Variants in CRB1 observed in about 807,000 individuals in gnomAD.
CRB1 encodes the protein crumbs cell polarity complex component 1.
CRB1 carries 83 observed loss-of-function variants against 120.0 expected under a neutral mutation model. The ratio of observed to expected loss-of-function variants is 0.69; its 90% confidence interval spans 0.58 to 0.83. The LOEUF (loss-of-function observed/expected upper bound fraction) is 0.83, where lower values mean the gene tolerates loss of function less well. Among genes scored for constraint, CRB1 ranks in the 40% least tolerant of loss-of-function variants. The pLI is 0.00. For synonymous variants in CRB1, 625 were observed against 612.5 expected (o/e 1.02, Z -0.30); for missense variants, 1,699 against 1,687.6 (o/e 1.01, Z -0.12).
At chr1:197,353,984 A>C (rs1189625030) in intron 4 of CRB1, among the ~76,000 whole-genome samples, 3 of 151,188 alleles carry the variant, frequency 2.0e-5, no homozygotes, top group Admixed American at 1.3e-4. Context: ...TATGGAAAAC[A>C]ACCTAATGAA....
At chr1:197,393,688 T>A (rs1201180352) in intron 5 of CRB1, among the ~76,000 whole-genome samples, 1 of 152,118 alleles carries the variant, frequency 6.6e-6, no homozygotes, top group Non-Finnish European at 1.5e-5. Context: ...TAGACCATGC[T>A]TCACCCGATG....
chr1:197,362,756 T>C (rs1395867272), intron 5 of CRB1, among the ~76,000 whole-genome samples: 2 of 152,182 alleles, frequency 1.3e-5, no homozygotes, highest in Admixed American at 6.5e-5. Context: ...CCCACTTATG[T>C]CATTAAATTT....
At chr1:197,232,958 G>A in the CRB1 span, among the ~76,000 whole-genome samples, 1 of 151,938 alleles carries the variant, frequency 6.6e-6, no homozygotes, top group Non-Finnish European at 1.5e-5. Context: ...AGGGTCCACT[G>A]GTTCCAAAGA....
Position 197,434,981 on chromosome 1 carries a change from T to A in CRB1, c.3118T>A (p.Ser1040Thr), listed in dbSNP as rs1370997208. The change falls in exon 9 of 12, where the codon TCC (serine) becomes ACC (threonine). Residue 1040 changes from serine to threonine, a missense_variant. Physicochemically the swap from Ser to Thr is moderately conservative, Grantham distance 58 (BLOSUM62 1). Transcript: ENST00000367400. ...NDGTWHEVTL[S>T]MTDPLSQTSR... ...TGGCACATGGCACGAAGTGACCCTT[T>A]CCATGACAGACCCACTGTCCCAGAC... 1 of 1,613,994 alleles carries A rather than the reference T, an allele frequency of 6.2e-7. No individual in the cohort carries two copies. Among genetic ancestry groups the A allele is most frequent in the Non-Finnish European group, 8.5e-7 (1 of 1,179,906 alleles).
intron 11 of CRB1, among the ~76,000 whole-genome samples, chr1:197,449,099 G>A (rs1461847576): frequency 6.6e-6 from 1 of 152,146 alleles, no homozygotes; most frequent in Non-Finnish European, 1.5e-5. Context: ...CAAAAGAATA[G>A]CAACTATGTC....
Position 197,422,059 on chromosome 1 carries a change from A to G in CRB1, c.2128+103A>G, listed in dbSNP as rs547546176. 1,156 of 1,027,166 alleles carry G rather than the reference A, an allele frequency of 1.1e-3. 10 individuals carry two copies. Among genetic ancestry groups the G allele is most frequent in the Middle Eastern group, 2.6e-3 (9 of 3,526 alleles). The allele number at this position is 1,027,166 out of a possible 1,614,324, so 63.6% of individuals were successfully genotyped here. On this transcript the variant is annotated intron_variant, in intron 6 of 11. Transcript: ENST00000367400. ...CTTCTGCCTGCTATGAAACATAATG[A>G]CCCCACAAGACTTCTGCTGCTGGTT...
chr1:197,365,169 G>T (rs1660992594), intron 5 of CRB1, among the ~76,000 whole-genome samples: 1 of 152,178 alleles, frequency 6.6e-6, no homozygotes. Context: ...GATCTCTACT[G>T]ATGATCCCTG....
chr1:197,379,293 CT>C (rs1661811640), intron 5 of CRB1, among the ~76,000 whole-genome samples: 1 of 151,880 alleles, frequency 6.6e-6, no homozygotes, highest in Admixed American at 6.6e-5. Context: ...AATCATTTTT[CT>C]TTTCTTTTCT....
upstream of CRB1, among the ~76,000 whole-genome samples, chr1:197,267,647 C>T (rs1023037223): frequency 2.6e-5 from 4 of 152,102 alleles, no homozygotes; most frequent in South Asian, 2.1e-4. Context: ...AGGACTTGAA[C>T]AATTTAATCT....
At chr1:197,213,975 AAAGGAAGAAC>A in the CRB1 span, among the ~76,000 whole-genome samples, 1 of 152,298 alleles carries the variant, frequency 6.6e-6, no homozygotes, top group African/African-American at 2.4e-5. Flanking sequence ...AAGAAGTAGA[AAAGGAAGAAC>A]AAGCTAAGCC....
At chr1:197,217,441 C>T in the CRB1 span, among the ~76,000 whole-genome samples, 4 of 152,008 alleles carry the variant, frequency 2.6e-5, no homozygotes, top group East Asian at 1.9e-4. Context: ...AACTGATGAA[C>T]GGATAAACAA....
intron 4 of CRB1, among the ~76,000 whole-genome samples, chr1:197,349,526 C>G (rs990881904): frequency 6.6e-6 from 1 of 152,164 alleles, no homozygotes; most frequent in African/African-American, 2.4e-5. Flanking sequence ...GTCTCTCTCT[C>G]CCCACTAACT....
chr1:197,309,185 A>T lies in CRB1; in HGVS notation c.71-19237A>T, dbSNP rs76024766. ...ATTTATATAAATAATTCACAATTGC[A>T]CAAGAGATGAACAGGCCAGATTGTT... On this transcript the variant is annotated intron_variant, in intron 1 of 11. Transcript: ENST00000367400. Among the ~76,000 whole-genome samples the T allele has an allele frequency of 5.8e-3, 877 of 152,168 alleles. 3 individuals carry two copies. Among genetic ancestry groups the T allele is most frequent in the Non-Finnish European group, 9.1e-3 (616 of 67,998 alleles).
intron 5 of CRB1, chr1:197,364,086 G>A (rs1178872944): frequency 1.6e-6 from 2 of 1,229,278 alleles, no homozygotes; most frequent in Non-Finnish European, 2.3e-6. Context: ...GCTGAGGCGG[G>A]CAGATCCGTG....
At chr1:197,290,844 A>G (rs1363889840) in intron 1 of CRB1, among the ~76,000 whole-genome samples, 4 of 151,810 alleles carry the variant, frequency 2.6e-5, no homozygotes, top group African/African-American at 9.7e-5. Flanking sequence ...CTTTTTGTCC[A>G]TGCTTTTGCA....
At chr1:197,389,781 G>A (rs1419298002) in intron 5 of CRB1, among the ~76,000 whole-genome samples, 1 of 152,026 alleles carries the variant, frequency 6.6e-6, no homozygotes, top group Non-Finnish European at 1.5e-5. Flanking sequence ...CAGAGGTCTA[G>A]GTGGCATGTC....
chr1:197,261,496 A>G, the CRB1 span, among the ~76,000 whole-genome samples: 8 of 152,354 alleles, frequency 5.3e-5, no homozygotes, highest in Admixed American at 1.3e-4. Context: ...AGAATAATAC[A>G]TAGAGTATCA....
chr1:197,427,701 T>A lies in CRB1; in HGVS notation c.2376T>A (p.Asn792Lys), dbSNP rs1298164843. ...TAAAATTTGTTCTTAATGATGGAAA[T>A]GTCCACTTGATATCTTTGAAAATCA... ...LVVKFVLNDG[N>K]VHLISLKIKP... The change falls in exon 7 of 12, where the codon AAT becomes AAA. Residue 792 changes from asparagine to lysine, a missense_variant. By Grantham distance (94) the Asn-to-Lys change is moderately conservative. Transcript: ENST00000367400. 3.7e-6 allele frequency: 6 copies of A among 1,613,948 alleles called. No individual in the cohort carries two copies. Among genetic ancestry groups the A allele is most frequent in the South Asian group, 1.1e-5 (1 of 91,080 alleles).
intron 5 of CRB1, among the ~76,000 whole-genome samples, chr1:197,379,724 A>C (rs533527365): frequency 6.6e-6 from 1 of 151,868 alleles, no homozygotes; most frequent in Non-Finnish European, 1.5e-5. Flanking sequence ...TAAGGATACT[A>C]TCAGTGAAGT....
Sources: allele counts gnomAD v4.1 joint callset (sites outside exome capture counted in the v4.1 genomes callset), GRCh38; gene constraint gnomAD v4.1.1; transcripts MANE v1.5; gene names NCBI Gene and HGNC (gene_info 2026-07-23, HGNC 2026-07-21).